The following PXT1 variants were observed in gnomAD, a reference collection of about 807,000 sequenced individuals.
PXT1 encodes peroxisomal testis-specific protein 1.
PXT1 carries 11 observed loss-of-function variants against 11.0 expected under a neutral mutation model. The observed-to-expected ratio is 1.00, with a 90% CI of 0.63 to 1.66. PXT1 has a LOEUF of 1.66. Among genes scored for constraint, PXT1 ranks in the 40% most tolerant of loss-of-function variants. PXT1 has a pLI of 0.00. For missense variants in PXT1, 141 were observed against 155.5 expected (o/e 0.91, Z 0.49); for synonymous variants, 43 against 51.4 (o/e 0.84, Z 0.70).
chr6:36,429,934 C>T (rs890256362), intron 2 of PXT1, among the ~76,000 whole-genome samples: 10 of 151,970 alleles, frequency 6.6e-5, no homozygotes, highest in African/African-American at 2.4e-5. Flanking sequence ...CACAGTGGCT[C>T]GCGCCTGTAA....
intron 2 of PXT1, among the ~76,000 whole-genome samples, chr6:36,435,445 T>C (rs902351942): frequency 6.6e-6 from 1 of 151,964 alleles, no homozygotes; most frequent in Non-Finnish European, 1.5e-5. Flanking sequence ...GCTCCTGTAG[T>C]CCAGCTACTC....
chr6:36,436,113 C>CAAAAAAAAAAAAAA (rs11294829), intron 2 of PXT1, among the ~76,000 whole-genome samples: 1 of 60,094 alleles, frequency 1.7e-5, no homozygotes, highest in Non-Finnish European at 3.3e-5. Context: ...AAAAGTAAGC[C>CAAAAAAAAAAAAAA]AAAAAAAAAA....
At chr6:36,410,547 A>G (rs1405010755) in intron 3 of PXT1, among the ~76,000 whole-genome samples, 2 of 150,932 alleles carry the variant, frequency 1.3e-5, no homozygotes, top group Non-Finnish European at 2.9e-5. Flanking sequence ...AGGGAAAGAC[A>G]AACAGAAAGA....
At chr6:36,422,745 T>TA (rs1469618487) in intron 3 of PXT1, among the ~76,000 whole-genome samples, 1 of 152,216 alleles carries the variant, frequency 6.6e-6, no homozygotes, top group Non-Finnish European at 1.5e-5. Context: ...CAAGCACTCT[T>TA]AAAGAGAAAA....
At chr6:36,394,566 G>A (rs1165514344) in intron 4 of PXT1, among the ~76,000 whole-genome samples, 1 of 152,086 alleles carries the variant, frequency 6.6e-6, no homozygotes, top group Non-Finnish European at 1.5e-5. Flanking sequence ...CAACTCTGTT[G>A]GGGCATAGAG....
intron 3 of PXT1, among the ~76,000 whole-genome samples, chr6:36,421,015 A>G (rs1322796158): frequency 6.6e-6 from 1 of 151,762 alleles, no homozygotes; most frequent in Non-Finnish European, 1.5e-5. Flanking sequence ...AGATTGTGCC[A>G]CTGCACTCCA....
chr6:36,430,454 T>C (rs954315545), intron 2 of PXT1, among the ~76,000 whole-genome samples: 1 of 152,140 alleles, frequency 6.6e-6, no homozygotes. Flanking sequence ...CCTAATCATA[T>C]AATCCTTAGA....
chr6:36,400,497 A>G lies in PXT1; in HGVS notation c.257T>C (p.Leu86Pro). ...ATCAATGTTGTCCCCAATGTGTCTCAGCTGCATGGCCAACTTGTGAATTAT... is the reference window on the plus strand; with the variant it reads ...ATCAATGTTGTCCCCAATGTGTCTCGGCTGCATGGCCAACTTGTGAATTAT... Reference protein sequence around the residue: ...EEIIHKLAMQLRHIGDNIDHR... With the variant: ...EEIIHKLAMQPRHIGDNIDHR... Residue 86 changes from leucine (L) to proline (P), a missense_variant, in exon 4 of 5, where the codon CTG (leucine) becomes CCG (proline). Physicochemically the swap from Leu to Pro is moderately conservative, Grantham distance 98. Transcript: ENST00000454782. The G allele has an allele frequency of 6.2e-7, 1 of 1,614,040 alleles. No individual in the cohort carries two copies. The highest frequency in any genetic ancestry group is 1.7e-4 in the Middle Eastern group (1 of 6,060).
intron 3 of PXT1, among the ~76,000 whole-genome samples, chr6:36,401,783 A>G (rs2127410911): frequency 6.6e-6 from 1 of 151,518 alleles, no homozygotes; most frequent in South Asian, 2.1e-4. Context: ...AAGTGCTAAT[A>G]ACCAAATGTG....
intron 2 of PXT1, among the ~76,000 whole-genome samples, chr6:36,429,182 C>A (rs980939048): frequency 5.7e-4 from 44 of 77,492 alleles, no homozygotes; most frequent in African/African-American, 2.2e-3. Context: ...GGGAGAATCA[C>A]TTGAGTCCAG....
In PXT1 at chr6:36,438,188, C is replaced by T. The variant is rs188102481; in HGVS notation, c.-10+579G>A. 2.0e-4 allele frequency among the ~76,000 whole-genome samples: 30 copies of T among 152,072 alleles called. 1 individual carries two copies. The East Asian group carries it at 4.3e-3, about 22-fold the overall frequency. The stretch of plus-strand genomic sequence containing the variant: ...TGGAGTTTCAGTTGCTTTTGACCTG[C>T]CACTATTAACAATTTACCAGAATAA... On this transcript the variant is annotated intron_variant, in intron 2 of 4. Transcript: ENST00000454782.
Position 36,442,564 on chromosome 6 carries a change from G to A in PXT1, c.-159C>T, listed in dbSNP as rs1316042634. The A allele has an allele frequency of 6.6e-6, 1 of 152,196 alleles. No individual in the cohort carries two copies. The highest frequency in any genetic ancestry group is 3.2e-3 in the Middle Eastern group (1 of 316). The allele number at this position is 152,196 out of a possible 1,614,324, so 9.4% of individuals were successfully genotyped here. ...ATGAAACTCAGTATTTGAGAAAAAT[G>A]TGGAGTTTTTCCCCCTTTCTTTTGG... On this transcript the variant is annotated 5_prime_UTR_variant, in exon 1 of 5. Coordinates refer to ENST00000454782, the MANE Select transcript of PXT1 (RefSeq NM_152990.4).
chr6:36,438,654 C>A (rs1774809127), intron 2 of PXT1, 113 bp downstream of exon 2: 1 of 152,242 alleles, frequency 6.6e-6, no homozygotes, highest in South Asian at 2.1e-4. Context: ...GATCTCCTGA[C>A]CTCGTGATCC....
intron 2 of PXT1, among the ~76,000 whole-genome samples, chr6:36,435,772 A>G (rs980372705): frequency 6.6e-6 from 1 of 152,228 alleles, no homozygotes; most frequent in African/African-American, 2.4e-5. Context: ...TGATGGCACT[A>G]TTGGAAGTTA....
chr6:36,440,912 AAAT>A (rs918274253), intron 1 of PXT1, among the ~76,000 whole-genome samples: 1 of 152,124 alleles, frequency 6.6e-6, no homozygotes, highest in African/African-American at 2.4e-5. Context: ...AGTGTTTAAA[AAAT>A]AATAATAAGA....
At chr6:36,428,946 G>A (rs573517751) in intron 2 of PXT1, among the ~76,000 whole-genome samples, 53 of 151,944 alleles carry the variant, frequency 3.5e-4, no homozygotes, top group African/African-American at 6.5e-4. Context: ...ATGAGCCACC[G>A]CGCACAGCCT....
intron 3 of PXT1, among the ~76,000 whole-genome samples, chr6:36,418,906 G>A (rs954296412): frequency 6.6e-6 from 1 of 152,214 alleles, no homozygotes; most frequent in Non-Finnish European, 1.5e-5. Context: ...AGAGTGGCAG[G>A]GGGGAGATAG....
At chr6:36,425,805 A>ACAAACAAACAG (rs763685304) in intron 3 of PXT1, 109 bp downstream of exon 3, 5 of 335,616 alleles carry the variant, frequency 1.5e-5, no homozygotes, top group East Asian at 1.1e-4. Flanking sequence ...AAAAACAAAA[A>ACAAACAAACAG]ATATATATAT....
intron 2 of PXT1, among the ~76,000 whole-genome samples, chr6:36,438,483 G>A (rs760376355): frequency 1.2e-4 from 18 of 152,132 alleles, no homozygotes; most frequent in Non-Finnish European, 2.2e-4. Context: ...GAGTGCAGTG[G>A]CGTGATCTTA....
Sources: allele counts gnomAD v4.1 joint callset (sites outside exome capture counted in the v4.1 genomes callset), GRCh38; gene constraint gnomAD v4.1.1; transcripts MANE v1.5; gene names NCBI Gene and HGNC (gene_info 2026-07-23, HGNC 2026-07-21).